ADAMTS20: variants seen among roughly 807,000 people sequenced by gnomAD.
The protein encoded by ADAMTS20 is ADAM metallopeptidase with thrombospondin type 1 motif 20, also known as A disintegrin and metalloproteinase with thrombospondin motifs 20.
Under a neutral mutation model 260.1 loss-of-function variants are expected in ADAMTS20, and 225 were observed. The ratio of observed to expected loss-of-function variants is 0.87; its 90% CI spans 0.78 to 0.97. The LOEUF (loss-of-function observed/expected upper bound fraction) is 0.97, where lower values mean the gene tolerates loss of function less well. Ranked by LOEUF, ADAMTS20 falls within the 50% of genes least tolerant of loss-of-function variation. The pLI, the probability that ADAMTS20 is intolerant of heterozygous loss-of-function variation, is 0.00. For synonymous variants in ADAMTS20, 802 were observed against 769.5 expected (o/e 1.04, Z -0.70); for missense variants, 2,400 against 2,337.7 (o/e 1.03, Z -0.55).
At chr12:43,523,438 A>C (rs536239289) in intron 3 of ADAMTS20, among the ~76,000 whole-genome samples, 1 of 149,304 alleles carries the variant, frequency 6.7e-6, no homozygotes, top group Admixed American at 6.8e-5. Context: ...GTGGGGAAGA[A>C]CTCCCTTGGC....
chr12:43,397,034 C>T (rs1051601213), intron 29 of ADAMTS20, among the ~76,000 whole-genome samples: 6 of 152,114 alleles, frequency 3.9e-5, no homozygotes, highest in Non-Finnish European at 5.9e-5. Context: ...ATGTTTCACA[C>T]GCTTAGGGGA....
intron 2 of ADAMTS20, among the ~76,000 whole-genome samples, chr12:43,532,555 G>GGTTT (rs1555141839): frequency 2.2e-5 from 3 of 137,326 alleles, no homozygotes; most frequent in Non-Finnish European, 4.6e-5. Flanking sequence ...TTTTTTTAAT[G>GGTTT]TTTTTTTTTT....
chr12:43,520,826 TA>T (rs1943061229), intron 3 of ADAMTS20, among the ~76,000 whole-genome samples: 1 of 152,194 alleles, frequency 6.6e-6, no homozygotes, highest in South Asian at 2.1e-4. Flanking sequence ...CACACATTTA[TA>T]AAATGTTATA....
rs199783333 is a variant in ADAMTS20, at chr12:43,519,068, T to C, written c.613+12968A>G. Among the ~76,000 whole-genome samples, 7 of 152,192 alleles carry C rather than the reference T, an allele frequency of 4.6e-5. No individual in the cohort carries two copies. The East Asian group carries it at 1.4e-3, about 29-fold the overall frequency. ...TTTTTTTCCCACATAATCTGAGTGA[T>C]CTCTTTAAAATGTGGACTGATTATG... is the stretch of plus-strand genomic sequence containing the variant. On this transcript the variant is annotated intron_variant, in intron 3 of 38. Transcript: ENST00000389420.
chr12:43,442,087 A>G (rs987797392), intron 16 of ADAMTS20, among the ~76,000 whole-genome samples: 7 of 152,218 alleles, frequency 4.6e-5, no homozygotes, highest in Admixed American at 6.5e-5. Context: ...TGGCTTAGAA[A>G]AAAAGTCTAC....
chr12:43,532,452 C>A (rs1237091112), intron 2 of ADAMTS20, among the ~76,000 whole-genome samples: 1 of 151,592 alleles, frequency 6.6e-6, no homozygotes. Flanking sequence ...CAAAGAACAG[C>A]ATAGATAAAA....
intron 37 of ADAMTS20, among the ~76,000 whole-genome samples, chr12:43,365,876 T>A (rs1000413732): frequency 6.6e-6 from 1 of 151,734 alleles, no homozygotes; most frequent in African/African-American, 2.4e-5. Context: ...GAATAACCAC[T>A]AACAAAGCAA....
chr12:43,493,679 T>A (rs779732472), intron 4 of ADAMTS20, among the ~76,000 whole-genome samples: 7 of 152,214 alleles, frequency 4.6e-5, no homozygotes, highest in Non-Finnish European at 1.0e-4. Context: ...GAAATTCACT[T>A]CATTCTGTGG....
Position 43,427,562 on chromosome 12 carries a change from A to G in ADAMTS20, c.3946-93T>C, listed in dbSNP as rs1278916876. On this transcript the variant is annotated intron_variant, in intron 26 of 38. Transcript: ENST00000389420. The stretch of plus-strand genomic sequence containing the variant: ...AAAAAAAATCAGCATTGACTCAATC[A>G]AAATCAAACCCTACATTAGAATCTC... The G allele has an allele frequency of 5.0e-5, 61 of 1,223,250 alleles. 1 individual carries two copies. Among genetic ancestry groups the G allele is most frequent in the Non-Finnish European group, 9.8e-6 (9 of 915,944 alleles). 75.8% of individuals were successfully genotyped at this position (1,223,250 alleles called of 1,614,324 possible).
At chr12:43,355,586 T>A (rs2407546) in intron 38 of ADAMTS20, among the ~76,000 whole-genome samples, 151,278 of 152,270 alleles carry the variant, frequency 0.99, 75,150 homozygotes, top group Middle Eastern at 1. Context: ...GGAGTATAAC[T>A]AAATTTACTT....
intron 7 of ADAMTS20, among the ~76,000 whole-genome samples, chr12:43,479,777 A>T (rs1942414030): frequency 6.6e-6 from 1 of 152,156 alleles, no homozygotes; most frequent in Non-Finnish European, 1.5e-5. Context: ...ACTTACAAAT[A>T]GAACAGCAGG....
At position 43,354,307 on chromosome 12, in the gene ADAMTS20, C is replaced by T. The variant is rs377341936; in HGVS notation, c.5644-9G>A. 2.7e-5 allele frequency: 43 copies of T among 1,568,250 alleles called. No individual in the cohort carries two copies. The highest frequency in any genetic ancestry group is 3.3e-4 in the Middle Eastern group (2 of 6,030). On this transcript the variant is annotated splice_polypyrimidine_tract_variant and intron_variant, in intron 38 of 38. Coordinates refer to ENST00000389420, the MANE Select transcript of ADAMTS20 (RefSeq NM_025003.5). Reference sequence around the variant, plus strand: ...AAAAATCTAGTTCCATCCTGAAAATCGGAAGAAGAAATACAGAAGAATCTT... The same window carrying T: ...AAAAATCTAGTTCCATCCTGAAAATTGGAAGAAGAAATACAGAAGAATCTT...
chr12:43,383,461 A>C, intron 31 of ADAMTS20, 97 bp downstream of exon 31: 1 of 1,231,830 alleles, frequency 8.1e-7, no homozygotes, highest in East Asian at 2.5e-5. Flanking sequence ...ATCTGCCCTC[A>C]TATTCAAATT....
intron 2 of ADAMTS20, among the ~76,000 whole-genome samples, chr12:43,545,793 C>A (rs530631680): frequency 6.6e-6 from 1 of 152,068 alleles, no homozygotes; most frequent in Non-Finnish European, 1.5e-5. Flanking sequence ...CCTATGTAAG[C>A]CTTTTTTTCT....
At chr12:43,374,308 AT>A (rs965994875) in intron 36 of ADAMTS20, among the ~76,000 whole-genome samples, 6 of 152,044 alleles carry the variant, frequency 3.9e-5, no homozygotes, top group African/African-American at 9.6e-5. Context: ...TACTGTCTTA[AT>A]TTTTTTTATT....
At chr12:43,364,450 A>C (rs1939939432) in intron 37 of ADAMTS20, among the ~76,000 whole-genome samples, 1 of 152,276 alleles carries the variant, frequency 6.6e-6, no homozygotes, top group South Asian at 2.1e-4. Context: ...GACTAAAGAA[A>C]CCATGTTTAA....
At position 43,375,167 on chromosome 12, in the gene ADAMTS20, C is replaced by T. The variant is rs770290401; in HGVS notation, c.5446+212G>A. ...AGCCTGGGCAGTAAGAGTGCAACTGCGTCTCAAAAAAAAAAAAAAAAAAAA... is the reference window on the plus strand; with the variant it reads ...AGCCTGGGCAGTAAGAGTGCAACTGTGTCTCAAAAAAAAAAAAAAAAAAAA... On this transcript the variant is annotated intron_variant, in intron 36 of 38. Transcript: ENST00000389420. Among the ~76,000 whole-genome samples the T allele has an allele frequency of 8.7e-4, 82 of 94,504 alleles. 1 individual carries two copies. The highest frequency in any genetic ancestry group is 1.5e-3 in the Non-Finnish European group (76 of 51,618). The allele number at this position is 94,504 out of a possible 152,430, so 62.0% of individuals were successfully genotyped here.
chr12:43,451,642 C>A (rs564344419), intron 14 of ADAMTS20, among the ~76,000 whole-genome samples: 1 of 152,228 alleles, frequency 6.6e-6, no homozygotes, highest in East Asian at 1.9e-4. Flanking sequence ...TACCCACCTC[C>A]CCATAAAATA....
chr12:43,477,334 A>T (rs1239846842), intron 7 of ADAMTS20, among the ~76,000 whole-genome samples: 1 of 152,182 alleles, frequency 6.6e-6, no homozygotes, highest in African/African-American at 2.4e-5. Context: ...AGATGGGACA[A>T]CAGGGTATAG....
Sources: gnomAD v4.1 joint callset for allele counts (sites outside exome capture counted in the v4.1 genomes callset) on GRCh38, gnomAD v4.1.1 for gene constraint, MANE v1.5 for transcripts, NCBI Gene and HGNC (gene_info 2026-07-23, HGNC 2026-07-21) for gene names.